Variants in CPA6 observed in about 807,000 individuals in gnomAD.
CPA6 encodes carboxypeptidase B.
A neutral mutation model predicts 63.3 loss-of-function variants in CPA6; 58 were observed. The observed-to-expected ratio is 0.92, with a 90% CI of 0.74 to 1.14. The LOEUF (loss-of-function observed/expected upper bound fraction) is 1.14. Among genes scored for constraint, CPA6 ranks in the 50% most tolerant of loss-of-function variants. CPA6 has a pLI of 0.00. For missense variants in CPA6, 565 were observed against 526.6 expected (o/e 1.07, Z -0.71); for synonymous variants, 185 against 179.0 (o/e 1.03, Z -0.27).
rs1007305743 is a variant in CPA6 at position 67,681,200 on chromosome 8, C to CTTTTTTTTTTTTTTTTTTTTTTTTTTT, written c.117-56950_117-56949insAAAAAAAAAAAAAAAAAAAAAAAAAAA. 2.0e-4 allele frequency among the ~76,000 whole-genome samples: 18 copies of CTTTTTTTTTTTTTTTTTTTTTTTTTTT among 89,880 alleles called. 3 individuals carry two copies. The highest frequency in any genetic ancestry group is 5.8e-3 in the Middle Eastern group (1 of 172). The allele number at this position is 89,880 out of a possible 152,430, so 59.0% of individuals were successfully genotyped here. Reference sequence around the variant, plus strand: ...CTCAACCCAAGGTCACAAAGATTTTCTTTTTTTTTTTTTTTTTTTTGAGAC... The same window carrying CTTTTTTTTTTTTTTTTTTTTTTTTTTT: ...CTCAACCCAAGGTCACAAAGATTTTCTTTTTTTTTTTTTTTTTTTTTTTTTTTTTTTTTTTTTTTTTTTTTTTGAGAC... On this transcript the variant is annotated intron_variant, in intron 1 of 10. Coordinates refer to ENST00000297770, the MANE Select transcript of CPA6 (RefSeq NM_020361.5).
At chr8:67,581,001 C>T (rs10091234) in intron 2 of CPA6, among the ~76,000 whole-genome samples, 61,365 of 151,750 alleles carry the variant, frequency 0.4, 13,448 homozygotes, top group African/African-American at 0.54. Context: ...AGTAGCACTC[C>T]CGAGTGGGAT....
Position 67,422,384 on chromosome 8 carries a change from T to C in CPA6, c.*120A>G. On this transcript the variant is annotated 3_prime_UTR_variant, in exon 11 of 11. Transcript: ENST00000297770. ...AAAGTCAAATTGCGTGGGGTCTTTT[T>C]AAAGTCCATAGACATGTTCACTCTA... 1.3e-6 allele frequency: 1 copy of C among 767,566 alleles called. No individual in the cohort carries two copies. Among genetic ancestry groups the C allele is most frequent in the South Asian group, 2.9e-5 (1 of 34,902 alleles). 47.5% of individuals were successfully genotyped at this position (767,566 alleles called of 1,614,324 possible). A position where few individuals can be genotyped will look rare whatever the true frequency, so the allele number is the denominator to read the frequency against.
At chr8:67,433,381 C>T (rs1425864217) in intron 9 of CPA6, among the ~76,000 whole-genome samples, 1 of 152,130 alleles carries the variant, frequency 6.6e-6, no homozygotes, top group African/African-American at 2.4e-5. Flanking sequence ...GACTGATGCC[C>T]TATAGTGAAT....
chr8:67,695,051 C>G (rs1816886852), intron 1 of CPA6, among the ~76,000 whole-genome samples: 1 of 151,970 alleles, frequency 6.6e-6, no homozygotes, highest in Non-Finnish European at 1.5e-5. Context: ...TATTGGTATC[C>G]CTTGTGAATG....
At chr8:67,552,658 A>G (rs1812971007) in intron 2 of CPA6, among the ~76,000 whole-genome samples, 1 of 151,286 alleles carries the variant, frequency 6.6e-6, no homozygotes, top group Non-Finnish European at 1.5e-5. Flanking sequence ...CTGTAGTCCC[A>G]GCTACTCGGG....
In CPA6 at chr8:67,475,836, TTTCTTTC is replaced by T. The variant is rs1563967694; in HGVS notation, c.838+7925_838+7931del. On this transcript the variant is annotated intron_variant, in intron 8 of 10. Coordinates refer to ENST00000297770, the MANE Select transcript of CPA6 (RefSeq NM_020361.5). ...TTCTTTCCTTTCTTTTCTTTCTTTC[TTTCTTTC>T]TTTCTTTCTTTCTTTCTTTCTTTCT... Among the ~76,000 whole-genome samples the T allele has an allele frequency of 2.5e-3, 192 of 76,780 alleles. 8 individuals carry two copies. The highest frequency in any genetic ancestry group is 9.3e-3 in the African/African-American group (172 of 18,486). The allele number at this position is 76,780 out of a possible 152,430, so 50.4% of individuals were successfully genotyped here.
chr8:67,653,585 T>C (rs1037323988), intron 1 of CPA6, among the ~76,000 whole-genome samples: 2 of 152,142 alleles, frequency 1.3e-5, no homozygotes, highest in Non-Finnish European at 2.9e-5. Flanking sequence ...TTTTTGTACA[T>C]TGATTTTGTA....
At chr8:67,483,089 C>T (rs1811392926) in intron 8 of CPA6, among the ~76,000 whole-genome samples, 1 of 152,126 alleles carries the variant, frequency 6.6e-6, no homozygotes, top group Admixed American at 6.6e-5. Flanking sequence ...CAGAAAGACT[C>T]AATACAAAGG....
chr8:67,598,631 T>C (rs1255612818), intron 2 of CPA6, among the ~76,000 whole-genome samples: 1 of 152,204 alleles, frequency 6.6e-6, no homozygotes, highest in Non-Finnish European at 1.5e-5. Flanking sequence ...AAAATGTAGA[T>C]GAAAATTAGT....
In CPA6 at chr8:67,746,170, A is replaced by C; in HGVS notation, c.-41T>G. The stretch of plus-strand genomic sequence containing the variant: ...GGAGTTGAAAGTTACTTAAGCAGCC[A>C]CCCGAGGCTGGAGGTGGCTCACAGC... On this transcript the variant is annotated 5_prime_UTR_variant, in exon 1 of 11. Transcript: ENST00000297770. 1 of 1,511,948 alleles carries C rather than the reference A, an allele frequency of 6.6e-7. No individual in the cohort carries two copies. Among genetic ancestry groups the C allele is most frequent in the Non-Finnish European group, 9.1e-7 (1 of 1,098,844 alleles). The allele number at this position is 1,511,948 out of a possible 1,614,324, so 93.7% of individuals were successfully genotyped here.
chr8:67,608,429 G>C (rs1361371884), intron 2 of CPA6, among the ~76,000 whole-genome samples: 1 of 152,116 alleles, frequency 6.6e-6, no homozygotes, highest in Non-Finnish European at 1.5e-5. Flanking sequence ...ATTGGCCACA[G>C]GATGGCCAAA....
At chr8:67,564,636 C>T (rs980842929) in intron 2 of CPA6, among the ~76,000 whole-genome samples, 1 of 152,086 alleles carries the variant, frequency 6.6e-6, no homozygotes, top group Non-Finnish European at 1.5e-5. Context: ...TCATCGTTGT[C>T]CACTAGAAGA....
chr8:67,483,784 C>G lies in CPA6; in HGVS notation c.822G>C (p.Trp274Cys). 3 of 1,614,084 alleles carry G rather than the reference C, an allele frequency of 1.9e-6. No individual in the cohort carries two copies. The highest frequency in any genetic ancestry group is 2.5e-6 in the Non-Finnish European group (3 of 1,179,950). ...CAAACTTACCACACCACTTCACTTT[C>G]CAGTTTCTATTGGCATCCACTCCAC... ...RCRGVDANRN[W>C]KVKWCDEGAS... Residue 274 changes from tryptophan (W) to cysteine (C), a missense_variant, in exon 8 of 11, where the codon TGG becomes TGC. Transcript: ENST00000297770.
At chr8:67,546,987 G>C (rs1812830943) in intron 2 of CPA6, among the ~76,000 whole-genome samples, 1 of 152,162 alleles carries the variant, frequency 6.6e-6, no homozygotes, top group South Asian at 2.1e-4. Context: ...ACTGCACCCA[G>C]CTGAATTTAC....
chr8:67,677,036 A>G (rs1160738014), intron 1 of CPA6, among the ~76,000 whole-genome samples: 1 of 152,154 alleles, frequency 6.6e-6, no homozygotes, highest in Admixed American at 6.5e-5. Flanking sequence ...ACTGCCCCGA[A>G]CTGTGCTGCA....
At chr8:67,545,461 A>G (rs1022550099) in intron 2 of CPA6, among the ~76,000 whole-genome samples, 6 of 150,322 alleles carry the variant, frequency 4.0e-5, no homozygotes, top group African/African-American at 1.5e-4. Context: ...CTGAACCTAC[A>G]CCTTGAATGT....
At chr8:67,511,787 G>A in intron 3 of CPA6, 132 bp from the exon 4 acceptor site, 1 of 625,086 alleles carries the variant, frequency 1.6e-6, no homozygotes, top group South Asian at 2.0e-5. Flanking sequence ...AATACCAAAT[G>A]TTGGGAAAAT....
chr8:67,537,889 T>A (rs1299057235), intron 2 of CPA6, among the ~76,000 whole-genome samples: 1 of 152,244 alleles, frequency 6.6e-6, no homozygotes, highest in East Asian at 1.9e-4. Context: ...CGTTGTGTCT[T>A]TGTTCTCATT....
In CPA6 at chr8:67,472,472, C is replaced by T. The variant is rs932487183; in HGVS notation, c.838+11296G>A. Among the ~76,000 whole-genome samples the T allele has an allele frequency of 2.7e-5, 4 of 150,814 alleles. No homozygotes were observed. The East Asian group carries it at 7.8e-4, about 29-fold the overall frequency. On this transcript the variant is annotated intron_variant, in intron 8 of 10. Coordinates refer to ENST00000297770, the MANE Select transcript of CPA6 (RefSeq NM_020361.5). ...CAGGGTCTGGCTCTGTCACCCAGGCCGGAGTGCAGTGGCACAGCCTGGGCT... is the reference window on the plus strand; with the variant it reads ...CAGGGTCTGGCTCTGTCACCCAGGCTGGAGTGCAGTGGCACAGCCTGGGCT...
Sources: gnomAD v4.1 joint callset for allele counts (sites outside exome capture counted in the v4.1 genomes callset) on GRCh38, gnomAD v4.1.1 for gene constraint, MANE v1.5 for transcripts, NCBI Gene and HGNC (gene_info 2026-07-23, HGNC 2026-07-21) for gene names.